The following NHSL3 variants were observed in gnomAD, a reference collection of about 807,000 sequenced individuals.
NHSL3 encodes NHS-like protein 3.
At chr1:32,763,965 A>G in the NHSL3 span, among the ~76,000 whole-genome samples, 3 of 152,208 alleles carry the variant, frequency 2.0e-5, no homozygotes, top group East Asian at 1.9e-4. Context: ...GGCTCAAGCA[A>G]TCCTCCTGTC....
the NHSL3 span, chr1:32,742,166 A>G: frequency 7.9e-5 from 98 of 1,247,718 alleles, 3 homozygotes; most frequent in South Asian, 2.8e-3. Context: ...GACAAGGCCA[A>G]GAGGGCCAAG....
the NHSL3 span, chr1:32,765,611 A>G: frequency 3.3e-6 from 5 of 1,513,382 alleles, no homozygotes; most frequent in Non-Finnish European, 4.4e-6. Flanking sequence ...GAGGACATGG[A>G]GAGCAGCCCC....
At chr1:32,745,557 C>CA in the NHSL3 span, among the ~76,000 whole-genome samples, 439 of 91,368 alleles carry the variant, frequency 4.8e-3, no homozygotes, top group African/African-American at 0.014. Flanking sequence ...GACTAGGTCT[C>CA]AAAAAAAAAA....
chr1:32,765,821 A>G, the NHSL3 span: 1 of 1,546,026 alleles, frequency 6.5e-7, no homozygotes, highest in Non-Finnish European at 8.7e-7. Flanking sequence ...GCTGTTTAAG[A>G]AGAAGGGTGA....
At chr1:32,753,515 T>A in the NHSL3 span, among the ~76,000 whole-genome samples, 1 of 152,008 alleles carries the variant, frequency 6.6e-6, no homozygotes, top group South Asian at 2.1e-4. Context: ...AAAAAGGACC[T>A]ACCTTACACA....
the NHSL3 span, chr1:32,772,736 A>T: frequency 5.2e-6 from 5 of 953,310 alleles, no homozygotes; most frequent in Non-Finnish European, 6.7e-6. Context: ...TGTCCAGCCC[A>T]GTGCTGCGGG....
chr1:32,748,870 G>A, the NHSL3 span, among the ~76,000 whole-genome samples: 10 of 152,056 alleles, frequency 6.6e-5, no homozygotes, highest in Admixed American at 6.5e-4. Flanking sequence ...AGTGTGACAG[G>A]GTGGCTGCTC....
At chr1:32,771,201 C>T in the NHSL3 span, 1 of 1,612,394 alleles carries the variant, frequency 6.2e-7, no homozygotes, top group Non-Finnish European at 8.5e-7. Context: ...CCCCACCTCC[C>T]TCCAAGCCCA....
chr1:32,770,466 T>G, the NHSL3 span: 3 of 1,598,370 alleles, frequency 1.9e-6, no homozygotes, highest in Admixed American at 5.0e-5. This position sits in a 1 kb window ranked among gnomAD's most constrained non-coding sequence, Gnocchi z 8.3. Flanking sequence ...TGTCTGACGG[T>G]TCCACCCTCT....
At chr1:32,755,070 A>G in the NHSL3 span, among the ~76,000 whole-genome samples, 1 of 151,998 alleles carries the variant, frequency 6.6e-6, no homozygotes, top group African/African-American at 2.4e-5. Context: ...GAGGGGAGGG[A>G]AAGGGGAAGG....
the NHSL3 span, among the ~76,000 whole-genome samples, chr1:32,757,946 G>C: frequency 6.6e-6 from 1 of 152,224 alleles, no homozygotes; most frequent in Non-Finnish European, 1.5e-5. Context: ...AGGAAGCACT[G>C]TGGGGAGGGT....
chr1:32,769,258 A>AT, the NHSL3 span, among the ~76,000 whole-genome samples: 4 of 152,070 alleles, frequency 2.6e-5, no homozygotes, highest in South Asian at 6.2e-4. Context: ...CATCTCAAAA[A>AT]AAAAATAAAA....
the NHSL3 span, chr1:32,771,758 C>T: frequency 1.1e-5 from 17 of 1,613,652 alleles, no homozygotes; most frequent in African/African-American, 4.0e-5. Context: ...CAGAAGGAAC[C>T]GGTGGGCTGT....
chr1:32,742,408 C>T, the NHSL3 span, among the ~76,000 whole-genome samples: 1 of 152,230 alleles, frequency 6.6e-6, no homozygotes, highest in Admixed American at 6.5e-5. Flanking sequence ...GGAGGGGACC[C>T]CCGGCTGGGG....
At chr1:32,771,170 C>T in the NHSL3 span, 1 of 1,611,764 alleles carries the variant, frequency 6.2e-7, no homozygotes, top group Non-Finnish European at 8.5e-7. Context: ...CCTCCTCACC[C>T]CAAGGTGCCT....
At chr1:32,767,979 C>T in the NHSL3 span, 12 of 1,611,574 alleles carry the variant, frequency 7.4e-6, no homozygotes, top group East Asian at 2.2e-4. Context: ...CTCCACTCCC[C>T]TCCCCTCTCC....
chr1:32,769,184 G>A, the NHSL3 span, among the ~76,000 whole-genome samples: 3 of 151,982 alleles, frequency 2.0e-5, no homozygotes, highest in South Asian at 2.1e-4. Flanking sequence ...AACCCAGGAG[G>A]TGGAGCTTGC....
the NHSL3 span, among the ~76,000 whole-genome samples, chr1:32,766,112 TA>T: frequency 2.0e-5 from 3 of 152,100 alleles, no homozygotes; most frequent in Non-Finnish European, 4.4e-5. Flanking sequence ...ACCCACACTT[TA>T]CTGGGTACAG....
At chr1:32,770,949 T>TTG in the NHSL3 span, 38 of 1,562,578 alleles carry the variant, frequency 2.4e-5, no homozygotes, top group Non-Finnish European at 3.1e-5. This position sits in a 1 kb window ranked among gnomAD's most constrained non-coding sequence, Gnocchi z 8.3. Context: ...AAAGTGGTAC[T>TTG]CCCACCCTCC....
Sources: allele counts gnomAD v4.1 joint callset (sites outside exome capture counted in the v4.1 genomes callset), GRCh38; gene constraint gnomAD v4.1.1; non-coding constraint Gnocchi (gnomAD v3.1); transcripts MANE v1.5; gene names NCBI Gene and HGNC (gene_info 2026-07-23, HGNC 2026-07-21).